Variants in PCDHGA1 observed in about 807,000 individuals in gnomAD.
PCDHGA1 encodes the protein protocadherin gamma-A1.
PCDHGA1 carries 32 observed loss-of-function variants against 58.0 expected under a neutral mutation model. The observed-to-expected ratio is 0.55, with a 90% CI of 0.42 to 0.74. PCDHGA1 has a LOEUF of 0.74. Ranked by LOEUF, PCDHGA1 falls within the 30% of genes least tolerant of loss-of-function variation. The probability of loss-of-function intolerance (pLI) is 0.00; values close to 1 mark genes in which losing one functional copy is unlikely to be tolerated. For missense variants in PCDHGA1, 1,205 were observed against 1,182.3 expected (o/e 1.02, Z -0.28); for synonymous variants, 498 against 501.1 (o/e 0.99, Z 0.08).
At chr5:141,346,894 T>C (rs1757822935) in intron 1 of PCDHGA1, among the ~76,000 whole-genome samples, 1 of 152,238 alleles carries the variant, frequency 6.6e-6, no homozygotes, top group Non-Finnish European at 1.5e-5. Context: ...TAGCTTATCC[T>C]GATACATACA....
intron 1 of PCDHGA1, among the ~76,000 whole-genome samples, chr5:141,437,741 C>CTTT (rs35124340): frequency 4.2e-5 from 6 of 141,750 alleles, no homozygotes; most frequent in Admixed American, 7.0e-5. Flanking sequence ...TTGAGTTCAC[C>CTTT]TTTTTTTTTT....
chr5:141,335,897 G>GA (rs902123084), intron 1 of PCDHGA1, among the ~76,000 whole-genome samples: 1 of 151,798 alleles, frequency 6.6e-6, no homozygotes, highest in African/African-American at 2.4e-5. Flanking sequence ...AAACTACTCA[G>GA]AAAAAAAGGA....
At chr5:141,408,623 G>C in intron 1 of PCDHGA1, 1 of 1,614,004 alleles carries the variant, frequency 6.2e-7, no homozygotes, top group Non-Finnish European at 8.5e-7. Flanking sequence ...AATACATTTA[G>C]AAATTTTCGA....
At chr5:141,433,256 C>G (rs760130587) in intron 1 of PCDHGA1, 2 of 1,385,666 alleles carry the variant, frequency 1.4e-6, no homozygotes, top group Non-Finnish European at 2.0e-6. Context: ...TGCAGCGGTA[C>G]GATCATAGCT....
At chr5:141,399,532 C>G (rs552966531) in intron 1 of PCDHGA1, 28 of 1,614,066 alleles carry the variant, frequency 1.7e-5, no homozygotes, top group Non-Finnish European at 2.2e-5. Flanking sequence ...CTCCATCGCG[C>G]AAGTCTGCGC....
chr5:141,466,975 A>G (rs769024064), intron 1 of PCDHGA1, among the ~76,000 whole-genome samples: 1 of 151,842 alleles, frequency 6.6e-6, no homozygotes, highest in Non-Finnish European at 1.5e-5. Flanking sequence ...CTCACAGCTC[A>G]TCATTTACCT....
chr5:141,340,007 G>T (rs2149722634), intron 1 of PCDHGA1: 1 of 1,614,144 alleles, frequency 6.2e-7, no homozygotes, highest in Non-Finnish European at 8.5e-7. Flanking sequence ...CAATGCCCCA[G>T]AATTTTACAT....
chr5:141,388,397 A>C, intron 1 of PCDHGA1: 1 of 1,613,956 alleles, frequency 6.2e-7, no homozygotes, highest in Non-Finnish European at 8.5e-7. Context: ...AGAATTACCA[A>C]CTCAGTCCCA....
intron 1 of PCDHGA1, chr5:141,398,580 A>T: frequency 1.2e-6 from 2 of 1,614,044 alleles, no homozygotes; most frequent in Non-Finnish European, 1.7e-6. Flanking sequence ...CTGGCACAAG[A>T]TTTATACTAG....
intron 1 of PCDHGA1, chr5:141,340,491 T>A (rs778779561): frequency 1.4e-5 from 22 of 1,614,068 alleles, no homozygotes; most frequent in Non-Finnish European, 1.9e-5. Context: ...TACATCTCTA[T>A]CAACTCCGAC....
intron 1 of PCDHGA1, chr5:141,410,459 A>C (rs2095396770): frequency 6.2e-7 from 1 of 1,613,864 alleles, no homozygotes; most frequent in Admixed American, 1.7e-5. Context: ...TTATTCTTAT[A>C]ATCTGTGCAT....
chr5:141,420,022 T>A, intron 1 of PCDHGA1: 3 of 1,614,104 alleles, frequency 1.9e-6, no homozygotes, highest in Middle Eastern at 3.3e-4. Flanking sequence ...CTTTCAGCCC[T>A]ACTGCAGGAG....
intron 1 of PCDHGA1, chr5:141,404,606 G>T: frequency 6.2e-7 from 1 of 1,614,106 alleles, no homozygotes; most frequent in Non-Finnish European, 8.5e-7. Flanking sequence ...GAGACTGTTT[G>T]TTTTGGACCA....
At chr5:141,404,524 G>GTTT in intron 1 of PCDHGA1, 7 of 1,613,938 alleles carry the variant, frequency 4.3e-6, no homozygotes, top group Non-Finnish European at 5.9e-6. Context: ...ACTATGAGCA[G>GTTT]TTTAGAGATT....
intron 1 of PCDHGA1, chr5:141,340,477 C>T (rs1021892731): frequency 6.2e-6 from 10 of 1,614,112 alleles, no homozygotes; most frequent in Admixed American, 1.7e-5. Flanking sequence ...CACCCTTATC[C>T]TCTTACATCT....
chr5:141,446,578 GTGAT>G (rs2098507706), intron 1 of PCDHGA1, among the ~76,000 whole-genome samples: 1 of 152,064 alleles, frequency 6.6e-6, no homozygotes, highest in African/African-American at 2.4e-5. Context: ...CCAGGTTCAA[GTGAT>G]TCTTCTGCCT....
At chr5:141,478,189 C>T (rs774322691) in intron 1 of PCDHGA1, 1 of 1,614,020 alleles carries the variant, frequency 6.2e-7, no homozygotes, top group South Asian at 1.1e-5. Context: ...AAAATCTCAC[C>T]TTTTATCTAC....
intron 1 of PCDHGA1, among the ~76,000 whole-genome samples, chr5:141,437,499 CA>C (rs2097890101): frequency 6.6e-6 from 1 of 152,076 alleles, no homozygotes; most frequent in African/African-American, 2.4e-5. Context: ...GATCACTTTT[CA>C]ATGAATTATA....
At chr5:141,479,048 C>A (rs1253895615) in intron 1 of PCDHGA1, among the ~76,000 whole-genome samples, 1 of 152,150 alleles carries the variant, frequency 6.6e-6, no homozygotes, top group Admixed American at 6.5e-5. Flanking sequence ...GTACCTCATT[C>A]TCAGATAATT....
Sources: gnomAD v4.1 joint callset for allele counts (sites outside exome capture counted in the v4.1 genomes callset) on GRCh38, gnomAD v4.1.1 for gene constraint, MANE v1.5 for transcripts, NCBI Gene and HGNC (gene_info 2026-07-23, HGNC 2026-07-21) for gene names.